The following FCER1A variants were observed in gnomAD, a reference collection of about 807,000 sequenced individuals.
The protein encoded by FCER1A is Fc epsilon receptor Ia.
FCER1A carries 24 observed loss-of-function variants against 23.6 expected under a neutral mutation model. The ratio of observed to expected loss-of-function variants is 1.02; its 90% confidence interval spans 0.74 to 1.43. The LOEUF is 1.43. Among genes scored for constraint, FCER1A ranks in the 40% most tolerant of loss-of-function variants. FCER1A has a pLI of 0.00. For synonymous variants in FCER1A, 121 were observed against 108.8 expected (o/e 1.11, Z -0.70); for missense variants, 318 against 294.5 (o/e 1.08, Z -0.58).
chr1:159,285,579 T>C (rs958068476), upstream of FCER1A, among the ~76,000 whole-genome samples: 9 of 151,644 alleles, frequency 5.9e-5, no homozygotes, highest in Non-Finnish European at 1.2e-4. Context: ...GTTTAATATA[T>C]ATATAAATTA....
intron 4 of FCER1A, among the ~76,000 whole-genome samples, chr1:159,307,025 G>T (rs910044269): frequency 2.6e-5 from 4 of 152,086 alleles, no homozygotes; most frequent in Non-Finnish European, 4.4e-5. Flanking sequence ...CAGAATATTT[G>T]GTCTAGATTC....
chr1:159,304,235 C>T (rs997983308), intron 3 of FCER1A, 53 bp downstream of exon 3: 1 of 1,558,706 alleles, frequency 6.4e-7, no homozygotes, highest in African/African-American at 1.4e-5. Flanking sequence ...GATGGCTCAT[C>T]TGAAGATGGG....
the FCER1A span, among the ~76,000 whole-genome samples, chr1:159,283,741 A>G: frequency 6.6e-6 from 1 of 152,188 alleles, no homozygotes; most frequent in Non-Finnish European, 1.5e-5. Flanking sequence ...ACATTGGCTC[A>G]TTTGGCTTGA....
intron 4 of FCER1A, 138 bp downstream of exon 4, chr1:159,306,383 C>T (rs1652616696): frequency 1.4e-6 from 1 of 719,832 alleles, no homozygotes; most frequent in African/African-American, 1.8e-5. Context: ...ATGAGGAGAC[C>T]TGGGTGATAG....
chr1:159,288,481 G>A (rs1652071199), upstream of FCER1A, among the ~76,000 whole-genome samples: 1 of 152,110 alleles, frequency 6.6e-6, no homozygotes, highest in South Asian at 2.1e-4. Context: ...TTCTGTTAGA[G>A]TTTACTGGAT....
rs1037724117 is a variant in FCER1A, at chr1:159,304,039, A to G, written c.188A>G (p.Lys63Arg). 25 of 1,614,060 alleles carry G rather than the reference A, an allele frequency of 1.5e-5. No individual in the cohort carries two copies. Among genetic ancestry groups the G allele is most frequent in the Non-Finnish European group, 2.1e-5 (25 of 1,180,022 alleles). The change falls in exon 3 of 5, where the codon AAA (lysine) becomes AGA (arginine). Residue 63 changes from lysine (K) to arginine (R), a missense_variant. By Grantham distance (26) the Lys-to-Arg change is conservative. Transcript: ENST00000693622. ...AATTTCTTTGAAGTCAGTTCCACCA[A>G]ATGGTTCCACAATGGCAGCCTTTCA... The part of the protein sequence containing the change: ...GNNFFEVSST[K>R]WFHNGSLSEE...
At chr1:159,290,671 A>T (rs185501934) in intron 1 of FCER1A, among the ~76,000 whole-genome samples, 1 of 152,312 alleles carries the variant, frequency 6.6e-6, no homozygotes, top group Admixed American at 6.5e-5. Flanking sequence ...AAAAACAAGG[A>T]TGCTGATAGT....
In FCER1A at chr1:159,308,170, A is replaced by G. The variant is rs979737478; in HGVS notation, c.*238A>G. ...TCATTTATTAGCATTTGTAAAAGAG[A>G]TGTTCAATTTCAATAAAATAAATAT... is the stretch of plus-strand genomic sequence containing the variant. On this transcript the variant is annotated 3_prime_UTR_variant, in exon 5 of 5. Coordinates refer to ENST00000693622, the MANE Select transcript of FCER1A (RefSeq NM_001387280.1). 9.9e-6 allele frequency: 4 copies of G among 405,092 alleles called. No individual in the cohort carries two copies. The highest frequency in any genetic ancestry group is 8.0e-5 in the South Asian group (1 of 12,444). 25.1% of individuals were successfully genotyped at this position (405,092 alleles called of 1,614,324 possible).
chr1:159,304,441 AAT>A (rs1553235184), intron 3 of FCER1A, among the ~76,000 whole-genome samples: 26 of 151,784 alleles, frequency 1.7e-4, no homozygotes, highest in Middle Eastern at 3.4e-3. Context: ...TCTGCTAAAA[AAT>A]ATATATATAT....
In FCER1A at chr1:159,306,190, C is replaced by G; in HGVS notation, c.534C>G (p.Gly178=). The G allele has an allele frequency of 1.2e-6, 2 of 1,613,974 alleles. No homozygotes were observed. Among genetic ancestry groups the G allele is most frequent in the Admixed American group, 3.3e-5 (2 of 60,004 alleles). The change falls in exon 4 of 5, where the codon GGC becomes GGG. Residue 178 remains glycine (G), a synonymous_variant. Transcript: ENST00000693622. ...ACAGTGGAACCTACTACTGTACGGG[C>G]AAAGTGTGGCAGCTGGACTATGAGT... ...VEDSGTYYCT[G]KVWQLDYESE... is the part of the protein sequence containing the mutation.
At chr1:159,298,337 G>C (rs1394468027), upstream of FCER1A, among the ~76,000 whole-genome samples, 2 of 152,180 alleles carry the variant, frequency 1.3e-5, no homozygotes, top group Non-Finnish European at 2.9e-5. Flanking sequence ...CTAGTTGGAA[G>C]TGTTTGGGTC....
chr1:159,306,040 C>T lies in FCER1A; in HGVS notation c.384C>T (p.Leu128=), dbSNP rs753453012. Residue 128 remains leucine (L), a synonymous_variant, in exon 4 of 5, where the codon CTC becomes CTT. Transcript: ENST00000693622. The stretch of plus-strand genomic sequence containing the variant: ...AGGTGGTGATGGAGGGCCAGCCCCT[C>T]TTCCTCAGGTGCCATGGTTGGAGGA... ...SAEVVMEGQP[L]FLRCHGWRNW... 2 of 1,613,934 alleles carry T rather than the reference C, an allele frequency of 1.2e-6. No individual in the cohort carries two copies. The highest frequency in any genetic ancestry group is 1.3e-5 in the African/African-American group (1 of 74,940).
chr1:159,293,168 CTGTGTGTGTGTGTGTGTG>C (rs10632832), intron 1 of FCER1A, among the ~76,000 whole-genome samples: 1 of 145,814 alleles, frequency 6.9e-6, no homozygotes, highest in African/African-American at 2.5e-5. Context: ...TACATACACA[CTGTGTGTGTGTGTGTGTG>C]TGTGTGTGTG....
In FCER1A at chr1:159,307,898, A is replaced by C. The variant is rs758438640; in HGVS notation, c.740A>C (p.Asn247Thr). The change falls in exon 5 of 5, where the codon AAC becomes ACC. Residue 247 changes from asparagine (N) to threonine (T), a missense_variant. Physicochemically the swap from Asn to Thr is moderately conservative, Grantham distance 65 (BLOSUM62 0). Coordinates refer to ENST00000693622, the MANE Select transcript of FCER1A (RefSeq NM_001387280.1). ...ACCAGGAAAGGCTTCAGACTTCTGA[A>C]CCCACATCCTAAGCCAAACCCCAAA... ...KRTRKGFRLL[N>T]PHPKPNPKNN is the part of the protein sequence containing the mutation. 1.2e-6 allele frequency: 2 copies of C among 1,612,084 alleles called. No homozygotes were observed. Among genetic ancestry groups the C allele is most frequent in the Non-Finnish European group, 1.7e-6 (2 of 1,178,452 alleles).
In FCER1A at chr1:159,293,904, C is replaced by A. The variant is rs566997333; in HGVS notation, c.-60+4151C>A. 2.0e-5 allele frequency among the ~76,000 whole-genome samples: 3 copies of A among 151,614 alleles called. No individual in the cohort carries two copies. In the South Asian group the frequency reaches 6.3e-4, roughly 32 times the overall value. On this transcript the variant is annotated intron_variant, in intron 1 of 5. Coordinates refer to the FCER1A transcript ENST00000368115. ...ACAAACAACCCCATCAAAAAGTGGG[C>A]GAAGGACATGAACAGACACTTCTCA...
chr1:159,303,780 A>G, intron 2 of FCER1A, 148 bp from the exon 3 acceptor site: 1 of 642,620 alleles, frequency 1.6e-6, no homozygotes. Flanking sequence ...TCCCCTAGAA[A>G]TCAAAACAGG....
At chr1:159,296,791 A>G (rs1364777652) in intron 1 of FCER1A, among the ~76,000 whole-genome samples, 3 of 152,148 alleles carry the variant, frequency 2.0e-5, no homozygotes, top group Non-Finnish European at 4.4e-5. Flanking sequence ...ACATACATAC[A>G]TTCTCATGCA....
At chr1:159,286,058 C>T (rs1472698138), upstream of FCER1A, among the ~76,000 whole-genome samples, 3 of 151,438 alleles carry the variant, frequency 2.0e-5, no homozygotes, top group African/African-American at 4.9e-5. Flanking sequence ...GACGTGGTGG[C>T]GCGCCCCTGT....
At chr1:159,292,561 C>T (rs1241324502) in intron 1 of FCER1A, among the ~76,000 whole-genome samples, 3 of 152,100 alleles carry the variant, frequency 2.0e-5, no homozygotes, top group African/African-American at 7.2e-5. Context: ...TATTTTGACT[C>T]TTAAGCATTT....
Sources: gnomAD v4.1 joint callset for allele counts (sites outside exome capture counted in the v4.1 genomes callset) on GRCh38, gnomAD v4.1.1 for gene constraint, MANE v1.5 for transcripts, NCBI Gene and HGNC (gene_info 2026-07-23, HGNC 2026-07-21) for gene names.